The following TRPM1 variants were observed in gnomAD, a reference collection of about 807,000 sequenced individuals.
The protein encoded by TRPM1 is transient receptor potential cation channel subfamily M member 1.
TRPM1 carries 113 observed loss-of-function variants against 149.4 expected under a neutral mutation model. The ratio of observed to expected loss-of-function variants is 0.76; its 90% CI spans 0.65 to 0.88. The LOEUF (loss-of-function observed/expected upper bound fraction) is 0.88, where lower values mean the gene tolerates loss of function less well. TRPM1 is among the 40% of genes least tolerant of loss of function. TRPM1 has a pLI of 0.00. For synonymous variants in TRPM1, 741 were observed against 759.5 expected (o/e 0.98, Z 0.40); for missense variants, 1,976 against 2,038.7 (o/e 0.97, Z 0.59).
chr15:31,028,526 G>T, intron 24 of TRPM1, 50 bp from the exon 25 acceptor site: 1 of 1,584,502 alleles, frequency 6.3e-7, no homozygotes, highest in Non-Finnish European at 8.7e-7. Context: ...TAATGAAAAG[G>T]ATAAATATCT....
At chr15:31,128,748 C>T (rs1349388606) in intron 1 of TRPM1, among the ~76,000 whole-genome samples, 1 of 152,208 alleles carries the variant, frequency 6.6e-6, no homozygotes, top group Middle Eastern at 3.2e-3. Context: ...CTTGGGTGGG[C>T]GACCTGTGCA....
Position 31,134,348 on chromosome 15 carries a change from G to A in TRPM1, c.54+26558C>T, listed in dbSNP as rs557304056. On this transcript the variant is annotated intron_variant, in intron 1 of 26. Coordinates refer to the TRPM1 transcript ENST00000542188. ...CATGCCATCCCACATATGCCTCTTT[G>A]GCATAAGGTTTATTTTGAGCTGGCT... 5.3e-5 allele frequency among the ~76,000 whole-genome samples: 8 copies of A among 152,252 alleles called. No individual in the cohort carries two copies. In the East Asian group the frequency reaches 5.8e-4, roughly 11 times the overall value.
At position 31,024,570 on chromosome 15, in the gene TRPM1, C is replaced by G. The variant is rs530030098; in HGVS notation, c.3629+1569G>C. Among the ~76,000 whole-genome samples the G allele has an allele frequency of 9.9e-5, 15 of 152,234 alleles. 1 individual carries two copies. Among genetic ancestry groups the G allele is most frequent in the African/African-American group, 3.6e-4 (15 of 41,544 alleles). On this transcript the variant is annotated intron_variant, in intron 27 of 27. Coordinates refer to ENST00000256552, the MANE Select transcript of TRPM1 (RefSeq NM_001252024.2). The stretch of plus-strand genomic sequence containing the variant: ...TCATCCCTATTACGTGTGCACAGAG[C>G]CCCCAGAGAAAAATGCAATTTGGTA...
At chr15:31,156,901 A>T (rs116871727) in intron 1 of TRPM1, among the ~76,000 whole-genome samples, 4 of 149,888 alleles carry the variant, frequency 2.7e-5, no homozygotes, top group African/African-American at 9.8e-5. Context: ...CTTGTTTTAG[A>T]TTTTTCTATA....
rs775693491 is a variant in TRPM1, at chr15:31,002,973, C to T, written c.3727G>A (p.Glu1243Lys). 16 of 1,597,274 alleles carry T rather than the reference C, an allele frequency of 1.0e-5. 1 individual carries two copies. In the South Asian group the frequency reaches 1.8e-4, roughly 18 times the overall value. Reference sequence around the variant, plus strand: ...TTCACCATTCTGTTAGATAATTCTTCTAGCTGAGCAAGTCGAAGGTCAACA... The same window carrying T: ...TTCACCATTCTGTTAGATAATTCTTTTAGCTGAGCAAGTCGAAGGTCAACA... ...QTVDLRLAQL[E>K]ELSNRMVNAL... Residue 1243 changes from glutamate to lysine, a missense_variant, in exon 28 of 28, where the codon GAA (glutamate) becomes AAA (lysine). Physicochemically the swap from Glu to Lys is moderately conservative, Grantham distance 56. Transcript: ENST00000256552.
intron 25 of TRPM1, among the ~76,000 whole-genome samples, chr15:31,027,885 C>A (rs2032859806): frequency 6.6e-6 from 1 of 152,118 alleles, no homozygotes; most frequent in South Asian, 2.1e-4. Flanking sequence ...CCCTTTAAGC[C>A]ATTTTTTTCT....
Position 31,040,842 on chromosome 15 carries a change from T to G in TRPM1, c.2088-496A>C, listed in dbSNP as rs924653651. ...GGTTCTTAGTTGATCTGGGTGCTGG[T>G]GGTGCCGGCATGTCCCACCTGTGGA... On this transcript the variant is annotated intron_variant, in intron 17 of 27. Transcript: ENST00000256552. The surrounding 1 kb of genome is among the most constrained non-coding windows in gnomAD (Gnocchi z 4.2). Among the ~76,000 whole-genome samples the G allele has an allele frequency of 6.6e-6, 1 of 152,102 alleles. No individual in the cohort carries two copies. The highest frequency in any genetic ancestry group is 1.5e-5 in the Non-Finnish European group (1 of 68,016).
At chr15:31,110,857 C>G (rs2035675310) in intron 1 of TRPM1, among the ~76,000 whole-genome samples, 3 of 151,704 alleles carry the variant, frequency 2.0e-5, no homozygotes. Context: ...CTCTCTCTCA[C>G]TTTTTCTTTT....
chr15:31,001,954 C>T lies in TRPM1; in HGVS notation c.4746G>A (p.Val1582=), dbSNP rs1300142574. Residue 1582 remains valine (V), a synonymous_variant, in exon 28 of 28, where the codon GTG becomes GTA. Transcript: ENST00000256552. ...SKSLHGHPRN[V]KSIQGKLDRS... is the part of the protein sequence containing the mutation. ...TGTCTAACTTTCCCTGAATGGATTT[C>T]ACATTCCTAGGATGTCCATGTAAAC... 3 of 1,613,938 alleles carry T rather than the reference C, an allele frequency of 1.9e-6. No individual in the cohort carries two copies. The East Asian group carries it at 6.7e-5, about 36-fold the overall frequency.
chr15:31,150,717 A>G (rs1049578178), intron 1 of TRPM1, among the ~76,000 whole-genome samples: 2 of 152,172 alleles, frequency 1.3e-5, no homozygotes, highest in African/African-American at 4.8e-5. Context: ...TATAGGCATG[A>G]GCCACTGCAC....
intron 27 of TRPM1, among the ~76,000 whole-genome samples, chr15:31,021,665 C>T (rs2032555248): frequency 6.6e-6 from 1 of 150,896 alleles, no homozygotes; most frequent in Admixed American, 6.6e-5. Flanking sequence ...CACTGTACTC[C>T]AGCCTGGGCA....
chr15:31,110,204 GAAAT>G (rs2035665816), intron 1 of TRPM1, among the ~76,000 whole-genome samples: 1 of 152,034 alleles, frequency 6.6e-6, no homozygotes, highest in Non-Finnish European at 1.5e-5. Flanking sequence ...CTGAAATAAA[GAAAT>G]AAAAGTGGTA....
chr15:31,088,624 C>A (rs762960310), intron 1 of TRPM1, among the ~76,000 whole-genome samples: 2 of 152,206 alleles, frequency 1.3e-5, no homozygotes, highest in Non-Finnish European at 2.9e-5. Flanking sequence ...TAGGAAACAT[C>A]TGAAGGAACA....
chr15:31,072,002 T>TAG (rs2034562488), intron 3 of TRPM1, among the ~76,000 whole-genome samples: 2 of 67,964 alleles, frequency 2.9e-5, no homozygotes, highest in Non-Finnish European at 5.6e-5. Context: ...TATATATATA[T>TAG]ATATATATAT....
chr15:31,062,312 G>C (rs936299387), intron 9 of TRPM1, among the ~76,000 whole-genome samples: 3 of 152,174 alleles, frequency 2.0e-5, no homozygotes, highest in Admixed American at 2.0e-4. Context: ...CTATCAATCT[G>C]AGTAATATTA....
chr15:31,133,559 G>A (rs1046128834), intron 1 of TRPM1, among the ~76,000 whole-genome samples: 1 of 152,136 alleles, frequency 6.6e-6, no homozygotes, highest in African/African-American at 2.4e-5. Flanking sequence ...GCACATGGCT[G>A]TAGTCCCAGC....
At chr15:31,048,704 C>T (rs1015387705) in intron 13 of TRPM1, among the ~76,000 whole-genome samples, 2 of 151,992 alleles carry the variant, frequency 1.3e-5, no homozygotes, top group African/African-American at 2.4e-5. Context: ...CCCAGATACT[C>T]AGGAGGCTGG....
At position 31,062,574 on chromosome 15, in the gene TRPM1, CT is replaced by C; in HGVS notation, c.1089+4del. 6.2e-7 allele frequency: 1 copy of C among 1,614,058 alleles called. No individual in the cohort carries two copies. The highest frequency in any genetic ancestry group is 8.5e-7 in the Non-Finnish European group (1 of 1,179,998). On this transcript the variant is annotated splice_donor_region_variant and intron_variant, in intron 9 of 27. Coordinates refer to ENST00000256552, the MANE Select transcript of TRPM1 (RefSeq NM_001252024.2). ...CTTGTTTGGAAATAAATTCAAGACA[CT>C]TACGAGTTCTTTCTTCTTCATGCAC...
chr15:31,152,143 G>C (rs2036311208), intron 1 of TRPM1, among the ~76,000 whole-genome samples: 4 of 152,164 alleles, frequency 2.6e-5, no homozygotes, highest in Admixed American at 2.6e-4. Flanking sequence ...CCAACTCAAG[G>C]GTCCTTGAAC....
Sources: gnomAD v4.1 joint callset for allele counts (sites outside exome capture counted in the v4.1 genomes callset) on GRCh38, gnomAD v4.1.1 for gene constraint, Gnocchi (gnomAD v3.1) non-coding constraint, MANE v1.5 for transcripts, NCBI Gene and HGNC (gene_info 2026-07-23, HGNC 2026-07-21) for gene names.